PTPRS: variants seen among roughly 807,000 people sequenced by gnomAD.
The protein encoded by PTPRS is protein tyrosine phosphatase receptor type S.
A neutral mutation model predicts 215.3 loss-of-function variants in PTPRS; 63 were observed. That is an observed-to-expected ratio of 0.29 (90% CI 0.24 to 0.36). The LOEUF (loss-of-function observed/expected upper bound fraction) is 0.36, where lower values mean the gene tolerates loss of function less well. Ranked by LOEUF, PTPRS falls within the 10% of genes least tolerant of loss-of-function variation. The probability of loss-of-function intolerance (pLI) is 1.00; values close to 1 mark genes in which losing one functional copy is unlikely to be tolerated. For missense variants in PTPRS, 2,258 were observed against 2,825.8 expected (o/e 0.80, Z 4.56); for synonymous variants, 1,404 against 1,191.4 (o/e 1.18, Z -3.68).
intron 14 of PTPRS, among the ~76,000 whole-genome samples, chr19:5,230,913 A>G (rs1397399976): frequency 6.6e-6 from 1 of 152,184 alleles, no homozygotes; most frequent in Admixed American, 6.5e-5. Flanking sequence ...CATTTACACC[A>G]TGGAAATTGG....
At chr19:5,260,197 T>G (rs2045878386) in intron 7 of PTPRS, among the ~76,000 whole-genome samples, 1 of 149,732 alleles carries the variant, frequency 6.7e-6, no homozygotes, top group Non-Finnish European at 1.5e-5. Context: ...TTTTTTTTTT[T>G]GAGGAGTCTC....
At chr19:5,306,648 C>G (rs1253378625) in intron 1 of PTPRS, among the ~76,000 whole-genome samples, 2 of 152,108 alleles carry the variant, frequency 1.3e-5, no homozygotes, top group Non-Finnish European at 2.9e-5. Context: ...CCCAACCTCA[C>G]CCAATGCCAT....
At chr19:5,304,468 T>C (rs2049411763) in intron 1 of PTPRS, among the ~76,000 whole-genome samples, 1 of 151,694 alleles carries the variant, frequency 6.6e-6, no homozygotes, top group African/African-American at 2.4e-5. Context: ...AAAGAAACTC[T>C]GTCTCAAAAA....
intron 1 of PTPRS, among the ~76,000 whole-genome samples, chr19:5,310,349 A>C (rs1383323647): frequency 1.3e-4 from 16 of 122,268 alleles, no homozygotes; most frequent in African/African-American, 5.0e-4. Context: ...ATGGAGTCTT[A>C]CTCTATCACC....
intron 6 of PTPRS, among the ~76,000 whole-genome samples, chr19:5,261,873 G>T (rs2046020133): frequency 6.6e-6 from 1 of 152,238 alleles, no homozygotes; most frequent in Admixed American, 6.5e-5. Flanking sequence ...GCAAACAGAA[G>T]TTTGCCTAAA....
intron 1 of PTPRS, among the ~76,000 whole-genome samples, chr19:5,304,699 G>A (rs765725450): frequency 1.3e-5 from 2 of 152,178 alleles, no homozygotes; most frequent in Admixed American, 1.3e-4. Context: ...GGGGGATGTC[G>A]CAAGGCTTCC....
intron 32 of PTPRS, 74 bp downstream of exon 32, chr19:5,211,891 C>A: frequency 6.4e-7 from 1 of 1,552,814 alleles, no homozygotes; most frequent in Non-Finnish European, 8.7e-7. Context: ...CCCCATTGCT[C>A]GAGGCGGGCC....
Position 5,231,469 on chromosome 19 carries a change from G to T in PTPRS, c.1996C>A (p.Pro666Thr). The T allele has an allele frequency of 3.1e-6, 5 of 1,612,960 alleles. No homozygotes were observed. Among genetic ancestry groups the T allele is most frequent in the Non-Finnish European group, 3.4e-6 (4 of 1,179,898 alleles). ...ATGCCGTTCACCTCCTTGGGTTCCG[G>T]GTCCTCTGAGCCCAGCGGTCGGTAG... is the stretch of plus-strand genomic sequence containing the variant. ...VRYRPLGSEDPEPKEVNGIPP... is the reference protein window; with the variant it reads ...VRYRPLGSEDTEPKEVNGIPP... The change falls in exon 14 of 38, where the codon CCG (proline) becomes ACG (threonine). Residue 666 changes from proline to threonine, a missense_variant. Transcript: ENST00000262963.
chr19:5,314,495 T>C (rs1487118503), intron 1 of PTPRS, among the ~76,000 whole-genome samples: 1 of 152,162 alleles, frequency 6.6e-6, no homozygotes, highest in East Asian at 1.9e-4. Context: ...CTCCCCAGCT[T>C]TTCACTAATG....
chr19:5,214,960 G>A (rs2041282258), intron 28 of PTPRS, among the ~76,000 whole-genome samples: 1 of 152,196 alleles, frequency 6.6e-6, no homozygotes, highest in Non-Finnish European at 1.5e-5. Flanking sequence ...GTGCTGAGCA[G>A]CATCCCTGGC....
intron 1 of PTPRS, among the ~76,000 whole-genome samples, chr19:5,329,667 A>G (rs1368215021): frequency 1.3e-5 from 2 of 152,008 alleles, no homozygotes; most frequent in Non-Finnish European, 2.9e-5. Flanking sequence ...GGGGAAGCTG[A>G]GGCAGGAGAA....
chr19:5,298,990 A>G lies in PTPRS; in HGVS notation c.-94-12756T>C, dbSNP rs78894236. Among the ~76,000 whole-genome samples, 1,029 of 152,084 alleles carry G rather than the reference A, an allele frequency of 6.8e-3. 14 individuals carry two copies. The highest frequency in any genetic ancestry group is 0.023 in the African/African-American group (935 of 41,486). On this transcript the variant is annotated intron_variant, in intron 1 of 37. Transcript: ENST00000262963. ...TCCTAAATTTCTACTCACTTTGTCC[A>G]TCTTTCTCCATATTCCCTTCCCAAC...
rs1039738897 is a variant in PTPRS, at chr19:5,215,677, T to G, written c.4097-82A>C. On this transcript the variant is annotated intron_variant, in intron 26 of 37. Transcript: ENST00000262963. ...TCGGGGGAGGGGGGTGATCTACGTG[T>G]GAGTCTGCGATGGGTGAGCTGTGGT... 6.1e-6 allele frequency: 6 copies of G among 989,730 alleles called. No individual in the cohort carries two copies. In the African/African-American group the frequency reaches 6.4e-5, roughly 11 times the overall value. The allele number at this position is 989,730 out of a possible 1,614,324, so 61.3% of individuals were successfully genotyped here.
In PTPRS at chr19:5,212,324, G is replaced by C. The variant is rs568471674; in HGVS notation, c.4769+13C>G. On this transcript the variant is annotated intron_variant, in intron 31 of 37. Transcript: ENST00000262963. ...CGGGGGGAAGCGGATGGGGCAGAGT[G>C]GGGTGGACGTACCTGCAGTGAACCA... The C allele has an allele frequency of 6.2e-7, 1 of 1,613,110 alleles. No individual in the cohort carries two copies. Among genetic ancestry groups the C allele is most frequent in the Non-Finnish European group, 8.5e-7 (1 of 1,179,572 alleles).
intron 11 of PTPRS, among the ~76,000 whole-genome samples, chr19:5,240,708 G>A (rs1263557447): frequency 2.0e-5 from 3 of 151,136 alleles, no homozygotes; most frequent in Admixed American, 6.6e-5. Context: ...GCGCGGTGGC[G>A]GGCACCTGTA....
intron 13 of PTPRS, among the ~76,000 whole-genome samples, chr19:5,232,741 T>G (rs1225847911): frequency 2.3e-5 from 3 of 130,694 alleles, no homozygotes; most frequent in Non-Finnish European, 5.1e-5. Context: ...AAGCTCCAAT[T>G]ATTAGGCACC....
At chr19:5,331,279 C>T (rs2050317658) in intron 1 of PTPRS, among the ~76,000 whole-genome samples, 1 of 151,174 alleles carries the variant, frequency 6.6e-6, no homozygotes, top group Admixed American at 6.6e-5. Context: ...CGTACGTGTG[C>T]ACCCCAACCC....
intron 1 of PTPRS, among the ~76,000 whole-genome samples, chr19:5,337,125 G>A (rs2050530040): frequency 6.6e-6 from 1 of 152,212 alleles, no homozygotes; most frequent in South Asian, 2.1e-4. Context: ...GGCTCCGACC[G>A]ACTCTGCAAA....
Position 5,339,961 on chromosome 19 carries a change from G to A in PTPRS, c.-95+703C>T, listed in dbSNP as rs1483078209. ...CCCTGGGTGGGGAGGCTGGAAGGGG[G>A]CGCCGAGGCCGCAGAAGGGTGGGGC... On this transcript the variant is annotated intron_variant, in intron 1 of 37. Transcript: ENST00000262963. This position sits in a 1 kb window ranked among gnomAD's most constrained non-coding sequence, Gnocchi z 4.2. Among the ~76,000 whole-genome samples the A allele has an allele frequency of 1.3e-5, 2 of 151,980 alleles. No individual in the cohort carries two copies. The highest frequency in any genetic ancestry group is 2.4e-5 in the African/African-American group (1 of 41,438).
Sources: allele counts gnomAD v4.1 joint callset (sites outside exome capture counted in the v4.1 genomes callset), GRCh38; gene constraint gnomAD v4.1.1; non-coding constraint Gnocchi (gnomAD v3.1); transcripts MANE v1.5; gene names NCBI Gene and HGNC (gene_info 2026-07-23, HGNC 2026-07-21).